MGST1: variants seen among roughly 807,000 people sequenced by gnomAD.
MGST1 encodes the protein glutathione S-transferase 12.
MGST1 carries 5 observed loss-of-function variants against 8.9 expected under a neutral mutation model. The observed-to-expected ratio is 0.56, with a 90% CI of 0.29 to 1.19. MGST1 has a LOEUF of 1.19. Ranked by LOEUF, MGST1 falls within the 50% of genes most tolerant of loss-of-function variation. The pLI, the probability that MGST1 is intolerant of heterozygous loss-of-function variation, is 0.08. For synonymous variants in MGST1, 54 were observed against 67.8 expected, an observed-to-expected ratio of 0.80 and a Z score of 1.00; for missense variants, 182 against 187.4, an observed-to-expected ratio of 0.97 and a Z score of 0.17.
intron 1 of MGST1, among the ~76,000 whole-genome samples, chr12:16,384,117 T>C (rs911304419): frequency 6.6e-6 from 1 of 152,126 alleles, no homozygotes; most frequent in Admixed American, 6.5e-5. Context: ...GAATGGATCT[T>C]GGGTTGGGAT....
In MGST1 at chr12:16,481,032, T is replaced by C. The variant is rs147600177; in HGVS notation, n.482+97428T>C. 1.9e-3 allele frequency among the ~76,000 whole-genome samples: 287 copies of C among 152,258 alleles called. 4 individuals are homozygous for C. The East Asian group carries it at 0.048, about 25-fold the overall frequency. The stretch of plus-strand genomic sequence containing the variant: ...TGGGCAACATACAGTCCTAGGATCA[T>C]AGTTTGCTGATCTCTAGCCTAGGCT... On this transcript the variant is annotated intron_variant and non_coding_transcript_variant, in intron 4 of 4. Coordinates refer to the MGST1 transcript ENST00000538857.
rs1383910255 is a variant in MGST1 at position 16,546,375 on chromosome 12, G to A, written n.483-43153G>A. On this transcript the variant is annotated intron_variant and non_coding_transcript_variant, in intron 4 of 4. Coordinates refer to the MGST1 transcript ENST00000538857. The surrounding 1 kb of genome is among the most constrained non-coding windows in gnomAD (Gnocchi z 4.7). ...GCCAAAATATTCTGTAATCACCCCG[G>A]TGATACCAATTTCGAGTATTCAGCT... Among the ~76,000 whole-genome samples the A allele has an allele frequency of 6.6e-6, 1 of 152,048 alleles. No individual in the cohort carries two copies. Among genetic ancestry groups the A allele is most frequent in the Non-Finnish European group, 1.5e-5 (1 of 67,982 alleles).
At chr12:16,502,875 G>C (rs1162141734) in intron 4 of MGST1, among the ~76,000 whole-genome samples, 2 of 152,312 alleles carry the variant, frequency 1.3e-5, no homozygotes, top group East Asian at 3.9e-4. Context: ...TTCAAATTCA[G>C]GGTATCAGAA....
intron 4 of MGST1, among the ~76,000 whole-genome samples, chr12:16,588,303 A>G (rs914269925): frequency 5.9e-5 from 9 of 152,084 alleles, no homozygotes; most frequent in Admixed American, 1.3e-4. Context: ...ATAAAGATAT[A>G]TAATCAAATT....
intron 4 of MGST1, among the ~76,000 whole-genome samples, chr12:16,461,624 A>G (rs958278882): frequency 5.9e-5 from 9 of 152,196 alleles, no homozygotes; most frequent in African/African-American, 2.2e-4. Flanking sequence ...GTTCGAACCC[A>G]TGAGAAAAAA....
At chr12:16,441,249 A>G (rs1218452798), downstream of MGST1, among the ~76,000 whole-genome samples, 1 of 151,480 alleles carries the variant, frequency 6.6e-6, no homozygotes, top group African/African-American at 2.4e-5. Flanking sequence ...CATACACCCT[A>G]CTCCCACCCA....
chr12:16,348,478 G>C (rs1939300457), intron 1 of MGST1, among the ~76,000 whole-genome samples: 1 of 152,152 alleles, frequency 6.6e-6, no homozygotes, highest in Non-Finnish European at 1.5e-5. Context: ...AGAGGAGAGA[G>C]GAGTGCATGT....
chr12:16,557,560 T>C (rs1942239227), intron 4 of MGST1, among the ~76,000 whole-genome samples: 1 of 152,090 alleles, frequency 6.6e-6, no homozygotes, highest in Non-Finnish European at 1.5e-5. Flanking sequence ...TTTAACCAGA[T>C]AGAGATATGA....
Position 16,401,149 on chromosome 12 carries a change from A to G in MGST1, n.778+17545A>G. 1.3e-6 allele frequency: 2 copies of G among 1,564,190 alleles called. No homozygotes were observed. Among genetic ancestry groups the G allele is most frequent in the African/African-American group, 1.4e-5 (1 of 73,914 alleles). On this transcript the variant is annotated intron_variant and non_coding_transcript_variant, in intron 1 of 1. Transcript: ENST00000359720. The surrounding 1 kb of genome is among the most constrained non-coding windows in gnomAD (Gnocchi z 4.3). The stretch of plus-strand genomic sequence containing the variant: ...CCTTAGGAAAATACCCACATTCTTC[A>G]CTTTCTTCTTCACAGAAGTGAGAAC...
upstream of MGST1, chr12:16,347,306 T>C (rs1939245979): frequency 6.6e-6 from 1 of 152,204 alleles, no homozygotes; most frequent in Non-Finnish European, 1.5e-5. This position sits in a 1 kb window ranked among gnomAD's most constrained non-coding sequence, Gnocchi z 4.0. Flanking sequence ...GCTAATTAGT[T>C]CTACCCTGGA....
At position 16,542,547 on chromosome 12, in the gene MGST1, T is replaced by G. The variant is rs555997641; in HGVS notation, n.483-46981T>G. Reference sequence around the variant, plus strand: ...AGGGTAAAATTCTCAAATCTCAGAGTCATACTTGACCCTTCTTCATTGTTC... The same window carrying G: ...AGGGTAAAATTCTCAAATCTCAGAGGCATACTTGACCCTTCTTCATTGTTC... On this transcript the variant is annotated intron_variant and non_coding_transcript_variant, in intron 4 of 4. Coordinates refer to the MGST1 transcript ENST00000538857. 2.1e-4 allele frequency among the ~76,000 whole-genome samples: 32 copies of G among 152,238 alleles called. 1 individual carries two copies. Among genetic ancestry groups the G allele is most frequent in the African/African-American group, 7.2e-4 (30 of 41,544 alleles).
chr12:16,491,695 G>A (rs1941439120), intron 4 of MGST1, among the ~76,000 whole-genome samples: 1 of 152,152 alleles, frequency 6.6e-6, no homozygotes, highest in African/African-American at 2.4e-5. Context: ...CAAGTTCAAG[G>A]TGATGTGAAC....
chr12:16,513,718 G>T lies in MGST1; in HGVS notation n.483-75810G>T. On this transcript the variant is annotated intron_variant and non_coding_transcript_variant, in intron 4 of 4. Transcript: ENST00000538857. This position sits in a 1 kb window ranked among gnomAD's most constrained non-coding sequence, Gnocchi z 4.2. ...ATTTTGCAAGGCATCTGCAGAAGTA[G>T]CCTTGGGCGAGAATAGCGAAGTCTC... 1.8e-6 allele frequency: 1 copy of T among 560,838 alleles called. No homozygotes were observed. Among genetic ancestry groups the T allele is most frequent in the Non-Finnish European group, 3.6e-6 (1 of 279,652 alleles). 34.7% of individuals were successfully genotyped at this position (560,838 alleles called of 1,614,324 possible).
intron 1 of MGST1, among the ~76,000 whole-genome samples, chr12:16,433,662 A>G (rs73068139): frequency 0.013 from 2,041 of 152,142 alleles, 33 homozygotes; most frequent in South Asian, 0.036. Context: ...ATTTCATCCA[A>G]ATACAACCTC....
intron 1 of MGST1, among the ~76,000 whole-genome samples, chr12:16,415,908 A>C (rs1366848567): frequency 1.3e-5 from 2 of 152,190 alleles, no homozygotes; most frequent in Non-Finnish European, 2.9e-5. Flanking sequence ...ATTATAGATA[A>C]AATTCTATAA....
At chr12:16,567,153 GC>G (rs1942646888) in intron 4 of MGST1, among the ~76,000 whole-genome samples, 1 of 152,082 alleles carries the variant, frequency 6.6e-6, no homozygotes, top group Non-Finnish European at 1.5e-5. Flanking sequence ...CTGAGATCGT[GC>G]CATTGCACTC....
chr12:16,391,159 T>A (rs1480116871), intron 1 of MGST1, among the ~76,000 whole-genome samples: 1 of 151,988 alleles, frequency 6.6e-6, no homozygotes, highest in Non-Finnish European at 1.5e-5. Flanking sequence ...TTTTTCAATT[T>A]TACTTCAAGT....
At chr12:16,554,015 C>G (rs1457036346) in intron 4 of MGST1, among the ~76,000 whole-genome samples, 1 of 151,962 alleles carries the variant, frequency 6.6e-6, no homozygotes, top group Non-Finnish European at 1.5e-5. Flanking sequence ...TAATTTTACC[C>G]TCATTTAAAA....
chr12:16,552,602 G>A (rs1437449376), intron 4 of MGST1, among the ~76,000 whole-genome samples: 1 of 152,030 alleles, frequency 6.6e-6, no homozygotes, highest in Non-Finnish European at 1.5e-5. Flanking sequence ...AATAAAAAAA[G>A]TAGACTGAAA....
Sources: allele counts gnomAD v4.1 joint callset (sites outside exome capture counted in the v4.1 genomes callset), GRCh38; gene constraint gnomAD v4.1.1; non-coding constraint Gnocchi (gnomAD v3.1); transcripts MANE v1.5; gene names NCBI Gene and HGNC (gene_info 2026-07-23, HGNC 2026-07-21).